IL17B: variants seen among roughly 807,000 people sequenced by gnomAD.
IL17B encodes the protein interleukin 17B.
Under a neutral mutation model 14.7 loss-of-function variants are expected in IL17B, and 14 were observed. That is an observed-to-expected ratio of 0.95 (90% confidence interval 0.63 to 1.49). IL17B has a LOEUF of 1.49. Among genes scored for constraint, IL17B ranks in the 40% most tolerant of loss-of-function variants. IL17B has a pLI of 0.00. For synonymous variants in IL17B, 105 were observed against 94.8 expected, an observed-to-expected ratio of 1.11 and a Z score of -0.62; for missense variants, 233 against 252.8, an observed-to-expected ratio of 0.92 and a Z score of 0.53.
intron 1 of IL17B, among the ~76,000 whole-genome samples, chr5:149,385,959 C>G (rs532738053): frequency 6.6e-6 from 1 of 152,284 alleles, no homozygotes; most frequent in South Asian, 2.1e-4. Flanking sequence ...GAGAGGAGTC[C>G]TGGGGGCTCA....
At chr5:149,379,148 C>T in intron 1 of IL17B, 57 bp downstream of exon 1, 1 of 1,608,242 alleles carries the variant, frequency 6.2e-7, no homozygotes, top group Admixed American at 1.7e-5. Flanking sequence ...GAAAGAAAAA[C>T]TGACATATTT....
chr5:149,382,193 C>G (rs1392390256), upstream of IL17B, among the ~76,000 whole-genome samples: 1 of 152,186 alleles, frequency 6.6e-6, no homozygotes, highest in Non-Finnish European at 1.5e-5. Flanking sequence ...TGGGGCCCTG[C>G]GCCTGTGCCT....
chr5:149,387,889 G>A (rs1366814294), intron 1 of IL17B, among the ~76,000 whole-genome samples: 1 of 152,124 alleles, frequency 6.6e-6, no homozygotes, highest in Admixed American at 6.5e-5. Flanking sequence ...AGAAATTGAG[G>A]CCATACAGTG....
At chr5:149,392,896 G>A (rs1236471174) in intron 1 of IL17B, among the ~76,000 whole-genome samples, 1 of 152,096 alleles carries the variant, frequency 6.6e-6, no homozygotes, top group East Asian at 1.9e-4. Flanking sequence ...AACAACCACA[G>A]TCTCTGCATC....
upstream of IL17B, among the ~76,000 whole-genome samples, chr5:149,381,584 C>G (rs1758695215): frequency 1.3e-5 from 2 of 152,236 alleles, no homozygotes; most frequent in South Asian, 2.1e-4. Context: ...ACCAAAGAGG[C>G]AGGCCAGTCC....
intron 1 of IL17B, among the ~76,000 whole-genome samples, chr5:149,389,444 G>T (rs1002513037): frequency 2.0e-5 from 3 of 152,258 alleles, no homozygotes; most frequent in African/African-American, 7.2e-5. Context: ...TGGAACAAGA[G>T]CCATCATCTC....
At chr5:149,397,069 A>C (rs1452118901) in intron 1 of IL17B, among the ~76,000 whole-genome samples, 2 of 152,214 alleles carry the variant, frequency 1.3e-5, no homozygotes, top group African/African-American at 2.4e-5. Context: ...GTTGTGGTCT[A>C]CACATTCTGC....
chr5:149,398,044 C>T (rs185197440), intron 1 of IL17B, among the ~76,000 whole-genome samples: 135 of 152,284 alleles, frequency 8.9e-4, no homozygotes, highest in Middle Eastern at 6.8e-3. Flanking sequence ...CATACACACC[C>T]GACATAATGC....
upstream of IL17B, among the ~76,000 whole-genome samples, chr5:149,381,645 C>G (rs1171072123): frequency 6.6e-6 from 1 of 152,236 alleles, no homozygotes; most frequent in Non-Finnish European, 1.5e-5. Context: ...TTGGGGTCCC[C>G]TGGCAGGTGC....
intron 1 of IL17B, among the ~76,000 whole-genome samples, chr5:149,391,246 G>A (rs544708798): frequency 2.0e-5 from 3 of 152,298 alleles, no homozygotes; most frequent in South Asian, 4.1e-4. Flanking sequence ...GATTACAGAC[G>A]TGAGCCACTG....
chr5:149,374,344 T>A lies in IL17B; in HGVS notation c.*25A>T, dbSNP rs769350081. On this transcript the variant is annotated 3_prime_UTR_variant, in exon 3 of 3. Coordinates refer to ENST00000261796, the MANE Select transcript of IL17B (RefSeq NM_014443.3). This position sits in a 1 kb window ranked among gnomAD's most constrained non-coding sequence, Gnocchi z 5.0. Reference sequence around the variant, plus strand: ...TGCAAGGAGGATGGTCTCGGGCTGCTGGCCTGGCTTCTGGGCCAGGTGATT... The same window carrying A: ...TGCAAGGAGGATGGTCTCGGGCTGCAGGCCTGGCTTCTGGGCCAGGTGATT... The A allele has an allele frequency of 1.1e-5, 17 of 1,539,702 alleles. No individual in the cohort carries two copies. The South Asian group carries it at 1.8e-4, about 16-fold the overall frequency.
At chr5:149,379,096 C>T (rs925511444) in intron 1 of IL17B, 109 bp downstream of exon 1, 13 of 1,361,336 alleles carry the variant, frequency 9.5e-6, no homozygotes, top group Middle Eastern at 1.8e-4. Flanking sequence ...GAAGTTGCCT[C>T]TGCAGATTCT....
chr5:149,386,126 A>G (rs1758823220), intron 1 of IL17B, among the ~76,000 whole-genome samples: 1 of 151,986 alleles, frequency 6.6e-6, no homozygotes, highest in Admixed American at 6.5e-5. Context: ...TGCTGTTTTT[A>G]TTGTGGTTGT....
upstream of IL17B, among the ~76,000 whole-genome samples, chr5:149,382,906 A>G (rs1302823351): frequency 6.6e-6 from 1 of 152,206 alleles, no homozygotes; most frequent in Admixed American, 6.5e-5. Context: ...GATACATTGA[A>G]TCAAACTGAC....
At position 149,375,413 on chromosome 5, in the gene IL17B, G is replaced by C. The variant is rs1561709256; in HGVS notation, c.312-813C>G. Among the ~76,000 whole-genome samples, 7 of 152,194 alleles carry C rather than the reference G, an allele frequency of 4.6e-5. No individual in the cohort carries two copies. The South Asian group carries it at 1.4e-3, about 31-fold the overall frequency. ...GTAGAATTAGCATCACCTTATGCTT[G>C]GGAGCTTGCTAGAAATGCAGAACCT... On this transcript the variant is annotated intron_variant, in intron 2 of 2. Coordinates refer to ENST00000261796, the MANE Select transcript of IL17B (RefSeq NM_014443.3).
chr5:149,392,487 A>G (rs931109836), intron 1 of IL17B, among the ~76,000 whole-genome samples: 11 of 152,246 alleles, frequency 7.2e-5, no homozygotes, highest in African/African-American at 1.9e-4. Context: ...GAATGTGAAT[A>G]GTACACCCCA....
intron 1 of IL17B, among the ~76,000 whole-genome samples, chr5:149,402,293 T>C (rs1041188459): frequency 6.6e-6 from 1 of 152,132 alleles, no homozygotes; most frequent in Non-Finnish European, 1.5e-5. Flanking sequence ...GTGCTCCCCC[T>C]AGACCAGAGA....
chr5:149,388,204 G>T (rs1474948915), intron 1 of IL17B, among the ~76,000 whole-genome samples: 1 of 152,206 alleles, frequency 6.6e-6, no homozygotes, highest in African/African-American at 2.4e-5. Flanking sequence ...CAGGGGTCAG[G>T]CTGACCCTGA....
intron 1 of IL17B, among the ~76,000 whole-genome samples, chr5:149,396,947 C>A (rs986354096): frequency 6.6e-6 from 1 of 152,074 alleles, no homozygotes; most frequent in Admixed American, 6.6e-5. Flanking sequence ...TGGGAAGGGG[C>A]AGAAGTTGTA....
Sources: gnomAD v4.1 joint callset for allele counts (sites outside exome capture counted in the v4.1 genomes callset) on GRCh38, gnomAD v4.1.1 for gene constraint, Gnocchi (gnomAD v3.1) non-coding constraint, MANE v1.5 for transcripts, NCBI Gene and HGNC (gene_info 2026-07-23, HGNC 2026-07-21) for gene names.